ST8SIA6: variants seen among roughly 807,000 people sequenced by gnomAD.
ST8SIA6 encodes ST8 alpha-N-acetyl-neuraminide alpha-2,8-sialyltransferase 6, also known as alpha-2,8-sialyltransferase 8F.
Under a neutral mutation model 33.6 loss-of-function variants are expected in ST8SIA6, and 39 were observed. The observed-to-expected ratio is 1.16, with a 90% CI of 0.90 to 1.52. The LOEUF is 1.52. Among genes scored for constraint, ST8SIA6 ranks in the 40% most tolerant of loss-of-function variants. ST8SIA6 has a pLI of 0.00. For synonymous variants in ST8SIA6, 172 were observed against 167.2 expected, an observed-to-expected ratio of 1.03 and a Z score of -0.22; for missense variants, 441 against 443.8, an observed-to-expected ratio of 0.99 and a Z score of 0.06.
Position 17,320,610 on chromosome 10 carries a change from C to G in ST8SIA6, c.*268G>C. On this transcript the variant is annotated 3_prime_UTR_variant, in exon 8 of 8. Coordinates refer to ENST00000377602, the MANE Select transcript of ST8SIA6 (RefSeq NM_001004470.3). ...GAAAGAAATATTCTTTGAGTCCCTA[C>G]CTCACACCAAAGGCCATGCCAATAA... 1 of 432,654 alleles carries G rather than the reference C, an allele frequency of 2.3e-6. No individual in the cohort carries two copies. Among genetic ancestry groups the G allele is most frequent in the Non-Finnish European group, 4.2e-6 (1 of 240,516 alleles). The allele number at this position is 432,654 out of a possible 1,614,324, so 26.8% of individuals were successfully genotyped here.
chr10:17,318,397 G>A lies in ST8SIA6; in HGVS notation c.*2481C>T, dbSNP rs1218316023. 1.1e-5 allele frequency: 3 copies of A among 281,278 alleles called. No homozygotes were observed. Among genetic ancestry groups the A allele is most frequent in the Admixed American group, 9.9e-5 (2 of 20,234 alleles). The allele number at this position is 281,278 out of a possible 1,614,324, so 17.4% of individuals were successfully genotyped here. On this transcript the variant is annotated 3_prime_UTR_variant, in exon 8 of 8. Coordinates refer to ENST00000377602, the MANE Select transcript of ST8SIA6 (RefSeq NM_001004470.3). ...TGCTCAGCTAATTTTTTTGTTTTTT[G>A]TAGAGAAGGGTACTCACTATGTTGC...
chr10:17,358,813 G>A (rs1016162270), intron 4 of ST8SIA6, among the ~76,000 whole-genome samples: 1 of 152,014 alleles, frequency 6.6e-6, no homozygotes, highest in African/African-American at 2.4e-5. Flanking sequence ...AAGAAAAGAA[G>A]CCCCGCCCCC....
At chr10:17,403,927 T>C (rs1851145173) in intron 2 of ST8SIA6, among the ~76,000 whole-genome samples, 1 of 151,804 alleles carries the variant, frequency 6.6e-6, no homozygotes, top group Non-Finnish European at 1.5e-5. Flanking sequence ...TACCCAGGTG[T>C]GGTGGTGCAT....
chr10:17,443,217 G>A (rs1015797296), intron 2 of ST8SIA6, among the ~76,000 whole-genome samples: 5 of 152,090 alleles, frequency 3.3e-5, no homozygotes, highest in South Asian at 4.1e-4. Context: ...TATAAAATAC[G>A]TATTATAGAC....
chr10:17,369,217 A>G (rs1849656441), intron 3 of ST8SIA6, among the ~76,000 whole-genome samples: 2 of 152,110 alleles, frequency 1.3e-5, no homozygotes, highest in Admixed American at 6.5e-5. Flanking sequence ...TCAAAAAAAA[A>G]TCCTGTATCC....
chr10:17,342,848 C>T (rs950828798), intron 4 of ST8SIA6, among the ~76,000 whole-genome samples: 2 of 152,120 alleles, frequency 1.3e-5, no homozygotes, highest in Non-Finnish European at 2.9e-5. Flanking sequence ...ACTCAGGAGG[C>T]TGAGGTGGGA....
chr10:17,415,897 C>G (rs924920913), intron 2 of ST8SIA6, among the ~76,000 whole-genome samples: 9 of 150,914 alleles, frequency 6.0e-5, no homozygotes. Context: ...GCAACCTCCA[C>G]CTCCCAGGTT....
At chr10:17,428,816 A>G (rs1564460146) in intron 2 of ST8SIA6, among the ~76,000 whole-genome samples, 1 of 152,236 alleles carries the variant, frequency 6.6e-6, no homozygotes, top group Admixed American at 6.5e-5. Context: ...CGAGGAAGCA[A>G]GTAATACAAG....
chr10:17,427,243 T>A (rs577756416), intron 2 of ST8SIA6, among the ~76,000 whole-genome samples: 63 of 152,270 alleles, frequency 4.1e-4, no homozygotes, highest in African/African-American at 1.5e-3. Flanking sequence ...TTCTCAGATG[T>A]TAGCATGTAT....
chr10:17,369,480 AATGATCTAACAC>A (rs1849663334), intron 3 of ST8SIA6, among the ~76,000 whole-genome samples: 1 of 152,176 alleles, frequency 6.6e-6, no homozygotes, highest in Non-Finnish European at 1.5e-5. Context: ...CATTTAAAAA[AATGATCTAACAC>A]ATGGTATATC....
intron 4 of ST8SIA6, among the ~76,000 whole-genome samples, chr10:17,358,289 C>A (rs1465659505): frequency 1.3e-5 from 2 of 152,176 alleles, no homozygotes; most frequent in African/African-American, 4.8e-5. Flanking sequence ...TCCAATCATA[C>A]CAGCATATTC....
intron 2 of ST8SIA6, among the ~76,000 whole-genome samples, chr10:17,391,371 C>T (rs557839255): frequency 4.5e-4 from 69 of 152,180 alleles, no homozygotes; most frequent in Middle Eastern, 3.4e-3. Flanking sequence ...ACGCCATTCT[C>T]CTGCCTCAGC....
At chr10:17,425,109 C>T (rs904062259) in intron 2 of ST8SIA6, among the ~76,000 whole-genome samples, 11 of 152,028 alleles carry the variant, frequency 7.2e-5, no homozygotes, top group Non-Finnish European at 1.3e-4. Flanking sequence ...GGAATAATAA[C>T]CTAGGAATAT....
chr10:17,347,123 A>G (rs1848864872), intron 4 of ST8SIA6, among the ~76,000 whole-genome samples: 1 of 152,192 alleles, frequency 6.6e-6, no homozygotes, highest in South Asian at 2.1e-4. Flanking sequence ...TTGATTGTTG[A>G]CGTTAACCAC....
At chr10:17,453,508 C>A in intron 2 of ST8SIA6, 51 bp downstream of exon 2, 1 of 1,246,248 alleles carries the variant, frequency 8.0e-7, no homozygotes, top group Non-Finnish European at 1.0e-6. Flanking sequence ...CGCCCCATGC[C>A]CGGCTCGCAG....
At chr10:17,431,072 C>T (rs1852086697) in intron 2 of ST8SIA6, among the ~76,000 whole-genome samples, 1 of 152,188 alleles carries the variant, frequency 6.6e-6, no homozygotes, top group South Asian at 2.1e-4. Flanking sequence ...AGGCAGAAAT[C>T]TTTGAGTAGG....
chr10:17,367,880 G>A (rs1359632424), intron 3 of ST8SIA6, among the ~76,000 whole-genome samples: 1 of 152,150 alleles, frequency 6.6e-6, no homozygotes, highest in East Asian at 1.9e-4. Flanking sequence ...CCATATATGA[G>A]TGGCTATTAA....
chr10:17,338,030 T>C (rs1309183460), intron 4 of ST8SIA6, among the ~76,000 whole-genome samples: 4 of 65,278 alleles, frequency 6.1e-5, no homozygotes, highest in Non-Finnish European at 1.1e-4. Context: ...AAAATACTAT[T>C]CTTTTTTTTT....
intron 4 of ST8SIA6, among the ~76,000 whole-genome samples, chr10:17,344,810 G>A (rs1242982798): frequency 6.6e-6 from 1 of 152,182 alleles, no homozygotes; most frequent in Non-Finnish European, 1.5e-5. Flanking sequence ...GCTGCAGGTT[G>A]GAAACTGGAG....
Sources: gnomAD v4.1 joint callset for allele counts (sites outside exome capture counted in the v4.1 genomes callset) on GRCh38, gnomAD v4.1.1 for gene constraint, MANE v1.5 for transcripts, NCBI Gene and HGNC (gene_info 2026-07-23, HGNC 2026-07-21) for gene names.